Variants in TRIM60 observed in about 807,000 individuals in gnomAD.
TRIM60 encodes tripartite motif-containing protein 60.
For synonymous variants in TRIM60, 189 were observed against 195.2 expected, an observed-to-expected ratio of 0.97 and a Z score of 0.27; for missense variants, 524 against 540.8, an observed-to-expected ratio of 0.97 and a Z score of 0.31.
intron 1 of TRIM60, among the ~76,000 whole-genome samples, chr4:165,037,614 C>T (rs1158462699): frequency 1.3e-5 from 2 of 152,084 alleles, no homozygotes; most frequent in Non-Finnish European, 2.9e-5. Context: ...TGAGCCACCA[C>T]CTCCTGGGCT....
At chr4:165,036,234 A>ATTT (rs60349844) in intron 1 of TRIM60, among the ~76,000 whole-genome samples, 5 of 151,196 alleles carry the variant, frequency 3.3e-5, no homozygotes, top group African/African-American at 7.3e-5. Flanking sequence ...ACATCCTTAC[A>ATTT]TTTTTTTTTC....
chr4:165,034,772 A>G (rs937933645), intron 1 of TRIM60, among the ~76,000 whole-genome samples: 2 of 152,180 alleles, frequency 1.3e-5, no homozygotes, highest in African/African-American at 4.8e-5. Context: ...TGTCCCTTCA[A>G]AATTGGAATG....
intron 1 of TRIM60, among the ~76,000 whole-genome samples, chr4:165,033,403 T>G (rs1314555928): frequency 2.0e-5 from 3 of 152,194 alleles, no homozygotes; most frequent in Non-Finnish European, 4.4e-5. Flanking sequence ...GACCGTGAAC[T>G]GTACTCTCCA....
Position 165,040,384 on chromosome 4 carries a change from G to T in TRIM60, c.312G>T (p.Leu104=). ...NAMCEKHNQF[L]TLFCVKDLEI... is the part of the protein sequence containing the mutation. ...TGTGTGAAAAACACAACCAGTTTCT[G>T]ACCCTCTTCTGTGTTAAAGATCTAG... is the stretch of plus-strand genomic sequence containing the variant. Residue 104 remains leucine, a synonymous_variant, in exon 3 of 3, where the codon CTG becomes CTT. Coordinates refer to ENST00000512596, the MANE Select transcript of TRIM60 (RefSeq NM_152620.3). The T allele has an allele frequency of 1.2e-6, 2 of 1,614,178 alleles. No individual in the cohort carries two copies. Among genetic ancestry groups the T allele is most frequent in the Non-Finnish European group, 1.7e-6 (2 of 1,180,024 alleles).
chr4:165,041,046 ACATTTGTTATGAC>A lies in TRIM60; in HGVS notation c.976_988del (p.Ile326GlnfsTer11), dbSNP rs771789881. 2.7e-5 allele frequency: 44 copies of A among 1,613,864 alleles called. 1 individual carries two copies. The South Asian group carries it at 4.8e-4, about 18-fold the overall frequency. On this transcript the variant is annotated frameshift_variant, in exon 3 of 3. Coordinates refer to ENST00000512596, the MANE Select transcript of TRIM60 (RefSeq NM_152620.3). LOFTEE classifies it low-confidence loss of function (END_TRUNC). ...GTGCGATATGAAAGAAAAAAACGAA[ACATTTGTTATGAC>A]CCAAGGAGATTTTATGTCTGCCCTG... is the stretch of plus-strand genomic sequence containing the variant.
chr4:165,036,947 G>C (rs556498274), intron 1 of TRIM60, among the ~76,000 whole-genome samples: 3 of 151,322 alleles, frequency 2.0e-5, no homozygotes, highest in African/African-American at 7.3e-5. Context: ...TGTAATCCCA[G>C]TTCCCAGCAC....
At position 165,040,550 on chromosome 4, in the gene TRIM60, A is replaced by C; in HGVS notation, c.478A>C (p.Lys160Gln). 6.2e-7 allele frequency: 1 copy of C among 1,614,150 alleles called. No individual in the cohort carries two copies. The highest frequency in any genetic ancestry group is 8.5e-7 in the Non-Finnish European group (1 of 1,180,036). The change falls in exon 3 of 3, where the codon AAA becomes CAA. Residue 160 changes from lysine to glutamine, a missense_variant. Coordinates refer to ENST00000512596, the MANE Select transcript of TRIM60 (RefSeq NM_152620.3). The stretch of plus-strand genomic sequence containing the variant: ...GAGGAATAATATAGAACGAGTTGAA[A>C]AAGTGATAATTCTGCAAGGCAGCAA... ...PLRNNIERVEKVIILQGSKSV... is the reference protein window; with the variant it reads ...PLRNNIERVEQVIILQGSKSV...
In TRIM60 at chr4:165,036,836, G is replaced by A. The variant is rs539564724; in HGVS notation, c.-56-2365G>A. 6.0e-5 allele frequency among the ~76,000 whole-genome samples: 9 copies of A among 150,602 alleles called. No homozygotes were observed. In the South Asian group the frequency reaches 1.7e-3, roughly 28 times the overall value. On this transcript the variant is annotated intron_variant, in intron 1 of 2. Transcript: ENST00000512596. ...GCAGAGGTTGCAGTGAGCCGAGATC[G>A]TGCCATCGCATTCCAGCCTGGGAGA...
At position 165,041,343 on chromosome 4, in the gene TRIM60, G is replaced by A. The variant is rs754898330; in HGVS notation, c.1271G>A (p.Gly424Asp). 3 of 1,614,094 alleles carry A rather than the reference G, an allele frequency of 1.9e-6. No individual in the cohort carries two copies. In the East Asian group the frequency reaches 6.7e-5, roughly 36 times the overall value. The change falls in exon 3 of 3, where the codon GGT becomes GAT. Residue 424 changes from glycine to aspartate, a missense_variant. By Grantham distance (94) the Gly-to-Asp change is moderately conservative. Coordinates refer to ENST00000512596, the MANE Select transcript of TRIM60 (RefSeq NM_152620.3). ...GGTATTTTTCTGGACTATGAATTGGGTGATCTTTCCTTTTATAATATGAAT... is the reference window on the plus strand; with the variant it reads ...GGTATTTTTCTGGACTATGAATTGGATGATCTTTCCTTTTATAATATGAAT... The part of the protein sequence containing the change: ...KIGIFLDYEL[G>D]DLSFYNMNDR...
intron 1 of TRIM60, among the ~76,000 whole-genome samples, chr4:165,033,272 G>C (rs1015889483): frequency 1.3e-5 from 2 of 152,130 alleles, no homozygotes; most frequent in Admixed American, 6.6e-5. Context: ...GTTGAATTTT[G>C]AGAGTAGGGA....
intron 1 of TRIM60, among the ~76,000 whole-genome samples, chr4:165,036,344 A>G (rs1733621922): frequency 6.6e-6 from 1 of 152,182 alleles, no homozygotes; most frequent in Admixed American, 6.5e-5. Context: ...TTGGAGTGAA[A>G]CACCCATCTC....
chr4:165,035,727 TC>T (rs1733607454), intron 1 of TRIM60, among the ~76,000 whole-genome samples: 1 of 149,968 alleles, frequency 6.7e-6, no homozygotes, highest in Admixed American at 6.6e-5. Context: ...TTTTTTTCTT[TC>T]TTTTTTTTTT....
intron 1 of TRIM60, 69 bp downstream of exon 1, chr4:165,032,181 C>T (rs977673663): frequency 3.9e-5 from 6 of 152,310 alleles, no homozygotes; most frequent in African/African-American, 1.4e-4. Context: ...TGGGCAGGGG[C>T]TTCCTGAGTA....
chr4:165,041,017 A>G lies in TRIM60; in HGVS notation c.945A>G (p.Lys315=). ...HPQLLVSEDR[K]AVRYERKKRN... is the part of the protein sequence containing the mutation. The stretch of plus-strand genomic sequence containing the variant: ...AACTTCTTGTCTCTGAGGATAGAAA[A>G]GCTGTGCGATATGAAAGAAAAAAAC... Residue 315 remains lysine, a synonymous_variant, in exon 3 of 3, where the codon AAA becomes AAG. Transcript: ENST00000512596. 5 of 1,614,046 alleles carry G rather than the reference A, an allele frequency of 3.1e-6. No individual in the cohort carries two copies. The highest frequency in any genetic ancestry group is 4.2e-6 in the Non-Finnish European group (5 of 1,179,936).
chr4:165,040,024 G>A (rs749432659), intron 2 of TRIM60, 45 bp from the exon 3 acceptor site: 16 of 1,521,774 alleles, frequency 1.1e-5, no homozygotes, highest in Non-Finnish European at 4.5e-6. Context: ...ACGGAGGCAG[G>A]ACTGATCAAA....
intron 2 of TRIM60, 38 bp from the exon 3 acceptor site, chr4:165,040,031 C>A: frequency 6.4e-7 from 1 of 1,559,062 alleles, no homozygotes; most frequent in South Asian, 1.2e-5. Flanking sequence ...CAGGACTGAT[C>A]AAAGGGAGGT....
chr4:165,032,476 C>T (rs981199042), intron 1 of TRIM60, among the ~76,000 whole-genome samples: 1 of 152,110 alleles, frequency 6.6e-6, no homozygotes, highest in African/African-American at 2.4e-5. Context: ...GTCGAACTTC[C>T]GACCTCAGGT....
At position 165,040,691 on chromosome 4, in the gene TRIM60, G is replaced by C; in HGVS notation, c.619G>C (p.Asp207His). Residue 207 changes from aspartate to histidine, a missense_variant, in exon 3 of 3, where the codon GAT becomes CAT. Asp to His is a moderately conservative substitution (Grantham distance 81, BLOSUM62 -1). Coordinates refer to ENST00000512596, the MANE Select transcript of TRIM60 (RefSeq NM_152620.3). Reference protein sequence around the residue: ...EQEMILRQIQDEEMNILAKLN... With the variant: ...EQEMILRQIQHEEMNILAKLN... ...AGAGATGATTCTTAGGCAGATACAA[G>C]ATGAAGAGATGAACATTTTAGCAAA... The C allele has an allele frequency of 6.2e-7, 1 of 1,613,814 alleles. No homozygotes were observed. Among genetic ancestry groups the C allele is most frequent in the Non-Finnish European group, 8.5e-7 (1 of 1,179,904 alleles).
chr4:165,032,512 G>C lies in TRIM60; in HGVS notation c.-57+400G>C, dbSNP rs531652559. Among the ~76,000 whole-genome samples, 385 of 152,324 alleles carry C rather than the reference G, an allele frequency of 2.5e-3. 3 individuals are homozygous for C. Among genetic ancestry groups the C allele is most frequent in the African/African-American group, 8.7e-3 (363 of 41,576 alleles). On this transcript the variant is annotated intron_variant, in intron 1 of 2. Transcript: ENST00000512596. ...GGTCCGCCCGCCTCGGCCTTCCAAA[G>C]TGCTGGGGTTACAGGCGTGAGCCAC... is the stretch of plus-strand genomic sequence containing the variant.
Sources: allele counts gnomAD v4.1 joint callset (sites outside exome capture counted in the v4.1 genomes callset), GRCh38; gene constraint gnomAD v4.1.1; transcripts MANE v1.5; gene names NCBI Gene and HGNC (gene_info 2026-07-23, HGNC 2026-07-21).